Variants in CLDN14 observed in about 807,000 individuals in gnomAD.
CLDN14 encodes claudin-14.
Under a neutral mutation model 2.1 loss-of-function variants are expected in CLDN14, and 2 were observed. The ratio of observed to expected loss-of-function variants is 0.96; its 90% confidence interval spans 0.39 to 3.01. The LOEUF (loss-of-function observed/expected upper bound fraction) is 3.01. CLDN14 is among the 30% of genes most tolerant of loss of function. The probability of loss-of-function intolerance (pLI) is 0.09; values close to 1 mark genes in which losing one functional copy is unlikely to be tolerated. For missense variants in CLDN14, 298 were observed against 328.0 expected, an observed-to-expected ratio of 0.91 and a Z score of 0.71; for synonymous variants, 136 against 154.4, an observed-to-expected ratio of 0.88 and a Z score of 0.88.
chr21:36,573,155 G>A (rs1003576955), intron 1 of CLDN14, among the ~76,000 whole-genome samples: 2 of 152,058 alleles, frequency 1.3e-5, no homozygotes, highest in African/African-American at 4.8e-5. Flanking sequence ...CAAAAAATTA[G>A]CCAGGCGTGG....
intron 1 of CLDN14, among the ~76,000 whole-genome samples, chr21:36,538,585 G>C (rs965758617): frequency 6.6e-5 from 10 of 152,100 alleles, no homozygotes; most frequent in Non-Finnish European, 1.5e-4. Context: ...CTGCACTCCA[G>C]CTAGGTGACA....
At chr21:36,517,230 T>C (rs1281830538) in intron 1 of CLDN14, among the ~76,000 whole-genome samples, 3 of 152,240 alleles carry the variant, frequency 2.0e-5, no homozygotes, top group African/African-American at 4.8e-5. Context: ...CAGTGTCCAT[T>C]ATATAAAGTT....
chr21:36,527,600 C>A (rs1188700226), intron 1 of CLDN14, among the ~76,000 whole-genome samples: 1 of 152,134 alleles, frequency 6.6e-6, no homozygotes, highest in Non-Finnish European at 1.5e-5. Context: ...TAATGTGATA[C>A]GAATCCCTCA....
At chr21:36,554,461 G>A (rs1484045689) in intron 1 of CLDN14, among the ~76,000 whole-genome samples, 1 of 152,204 alleles carries the variant, frequency 6.6e-6, no homozygotes, top group Non-Finnish European at 1.5e-5. Flanking sequence ...CATCACAGGA[G>A]ATAAACGGCC....
intron 1 of CLDN14, among the ~76,000 whole-genome samples, chr21:36,511,434 T>G (rs1439321262): frequency 6.6e-6 from 1 of 152,208 alleles, no homozygotes; most frequent in Non-Finnish European, 1.5e-5. Flanking sequence ...GTAGATGTCT[T>G]AGTAACAGGG....
At chr21:36,491,257 C>T (rs1391866652) in intron 2 of CLDN14, among the ~76,000 whole-genome samples, 2 of 152,142 alleles carry the variant, frequency 1.3e-5, no homozygotes, top group African/African-American at 4.8e-5. Context: ...AGTCTCTTTC[C>T]TAAGGTTTGT....
intron 2 of CLDN14, among the ~76,000 whole-genome samples, chr21:36,493,037 T>C (rs887680163): frequency 1.5e-4 from 23 of 152,206 alleles, no homozygotes; most frequent in African/African-American, 5.5e-4. Context: ...TCTTGGCCTT[T>C]AAAGCAGGCA....
intron 2 of CLDN14, among the ~76,000 whole-genome samples, chr21:36,510,087 A>G (rs1399981423): frequency 1.3e-5 from 2 of 152,176 alleles, no homozygotes; most frequent in Non-Finnish European, 2.9e-5. Context: ...TCCAGGGCTC[A>G]GTTGGGTTTT....
chr21:36,511,876 C>T (rs1192170920), intron 1 of CLDN14, among the ~76,000 whole-genome samples: 1 of 152,090 alleles, frequency 6.6e-6, no homozygotes, highest in East Asian at 1.9e-4. Context: ...GTAATTTCTC[C>T]CCACCAAAGG....
intron 1 of CLDN14, among the ~76,000 whole-genome samples, chr21:36,539,956 C>T (rs891130766): frequency 6.7e-6 from 1 of 150,150 alleles, no homozygotes; most frequent in Non-Finnish European, 1.5e-5. Context: ...GTATGTGTAG[C>T]ATGTGGAGTA....
chr21:36,572,768 C>G (rs1005830482), intron 1 of CLDN14, among the ~76,000 whole-genome samples: 106 of 152,298 alleles, frequency 7.0e-4, no homozygotes, highest in African/African-American at 2.4e-3. Flanking sequence ...TGACATGTGA[C>G]TTAAACTAAG....
chr21:36,554,343 C>T (rs957448895), intron 1 of CLDN14, among the ~76,000 whole-genome samples: 1 of 152,122 alleles, frequency 6.6e-6, no homozygotes, highest in South Asian at 2.1e-4. Flanking sequence ...TGGTCCCTGG[C>T]GCTCCAGGAA....
chr21:36,471,327 C>A (rs1414556836), intron 1 of CLDN14, among the ~76,000 whole-genome samples: 1 of 152,156 alleles, frequency 6.6e-6, no homozygotes. Context: ...TGGAAAGTCC[C>A]CTGCAAATTT....
chr21:36,461,480 C>T lies in CLDN14; in HGVS notation c.216G>A (p.Ala72=), dbSNP rs370315827. ...YQCQIYRSLL[A]LPQDLQAARA... ...GGGCAGCCTGGAGGTCTTGGGGCAG[C>T]GCCAGCAGGGATCGGTAGATCTGGC... Residue 72 remains alanine (A), a synonymous_variant, in exon 2 of 2, where the codon GCG becomes GCA. Coordinates refer to ENST00000399135, the MANE Select transcript of CLDN14 (RefSeq NM_001146079.2). 4.7e-5 allele frequency: 76 copies of T among 1,613,298 alleles called. No individual in the cohort carries two copies. The highest frequency in any genetic ancestry group is 1.6e-4 in the Middle Eastern group (1 of 6,084).
intron 1 of CLDN14, among the ~76,000 whole-genome samples, chr21:36,535,336 G>T (rs1243632761): frequency 6.6e-6 from 1 of 152,142 alleles, no homozygotes; most frequent in African/African-American, 2.4e-5. Context: ...GTTGTGGTGG[G>T]CTGAAATTGC....
At chr21:36,563,598 T>C (rs1416679716) in intron 1 of CLDN14, among the ~76,000 whole-genome samples, 1 of 152,190 alleles carries the variant, frequency 6.6e-6, no homozygotes, top group Admixed American at 6.5e-5. Flanking sequence ...AGAAATGGAA[T>C]CATCTAGACA....
Position 36,551,061 on chromosome 21 carries a change from G to T in CLDN14, c.-220+25350C>A, listed in dbSNP as rs2146517263. The stretch of plus-strand genomic sequence containing the variant: ...CAGCTGTGAGCCAAGGCCAAGGAAT[G>T]GTGTGGCCAGCCGGCAGCCACCAGA... On this transcript the variant is annotated intron_variant, in intron 1 of 2. Coordinates refer to the CLDN14 transcript ENST00000342108. This position sits in a 1 kb window ranked among gnomAD's most constrained non-coding sequence, Gnocchi z 4.8. Among the ~76,000 whole-genome samples the T allele has an allele frequency of 6.6e-6, 1 of 152,340 alleles. No individual in the cohort carries two copies. Among genetic ancestry groups the T allele is most frequent in the South Asian group, 2.1e-4 (1 of 4,826 alleles).
At chr21:36,570,319 T>C (rs2087700532) in intron 1 of CLDN14, among the ~76,000 whole-genome samples, 1 of 152,148 alleles carries the variant, frequency 6.6e-6, no homozygotes, top group African/African-American at 2.4e-5. Flanking sequence ...AGACTTAAGG[T>C]CTGTGTTGAT....
chr21:36,491,221 C>T (rs2086961261), intron 2 of CLDN14, among the ~76,000 whole-genome samples: 1 of 152,138 alleles, frequency 6.6e-6, no homozygotes, highest in African/African-American at 2.4e-5. Flanking sequence ...CTAGGATCCC[C>T]AGATATCCTG....
Sources: gnomAD v4.1 joint callset for allele counts (sites outside exome capture counted in the v4.1 genomes callset) on GRCh38, gnomAD v4.1.1 for gene constraint, Gnocchi (gnomAD v3.1) non-coding constraint, MANE v1.5 for transcripts, NCBI Gene and HGNC (gene_info 2026-07-23, HGNC 2026-07-21) for gene names.